The following CELF2 variants were observed in gnomAD, a reference collection of about 807,000 sequenced individuals.
CELF2 encodes CUGBP Elav-like family member 2, also known as CUG triplet repeat RNA-binding protein 2.
A neutral mutation model predicts 62.6 loss-of-function variants in CELF2; 8 were observed. That is an observed-to-expected ratio of 0.13 (90% confidence interval 0.07 to 0.23). The LOEUF (loss-of-function observed/expected upper bound fraction) is 0.23, where lower values mean the gene tolerates loss of function less well. Among genes scored for constraint, CELF2 ranks in the 10% least tolerant of loss-of-function variants. The pLI, the probability that CELF2 is intolerant of heterozygous loss-of-function variation, is 1.00. For missense variants in CELF2, 333 were observed against 671.0 expected, an observed-to-expected ratio of 0.50 and a Z score of 5.56; for synonymous variants, 258 against 250.0, an observed-to-expected ratio of 1.03 and a Z score of -0.30.
At position 11,214,253 on chromosome 10, in the gene CELF2, G is replaced by A. The variant is rs567766883; in HGVS notation, c.272-3172G>A. 3.3e-5 allele frequency among the ~76,000 whole-genome samples: 5 copies of A among 152,210 alleles called. No homozygotes were observed. Among genetic ancestry groups the A allele is most frequent in the Admixed American group, 6.5e-5 (1 of 15,288 alleles). On this transcript the variant is annotated intron_variant, in intron 2 of 12. Coordinates refer to ENST00000633077, the MANE Select transcript of CELF2 (RefSeq NM_001326342.2). The surrounding 1 kb of genome is among the most constrained non-coding windows in gnomAD (Gnocchi z 4.2). ...GCTGTGATCACACCACTGCATTCCA[G>A]CCAGGACAACAGAGTGACATCCTGT...
At chr10:11,205,236 C>T (rs1333040850) in intron 2 of CELF2, among the ~76,000 whole-genome samples, 3 of 152,198 alleles carry the variant, frequency 2.0e-5, no homozygotes, top group Admixed American at 6.5e-5. Flanking sequence ...CTTAGAAAAG[C>T]GGCTTCCCTA....
rs1361668439 is a variant in CELF2 at position 11,019,638 on chromosome 10, T to C, written c.74+1475T>C. On this transcript the variant is annotated intron_variant, in intron 1 of 12. Transcript: ENST00000633077. ...AGGAGGGGGATGATAGAATCTGTTA[T>C]GCAAATTGTCTTTTGAGTCAATATT... Among the ~76,000 whole-genome samples, 5 of 152,344 alleles carry C rather than the reference T, an allele frequency of 3.3e-5. No homozygotes were observed. The East Asian group carries it at 7.7e-4, about 23-fold the overall frequency.
At chr10:10,679,811 A>G in the CELF2 span, among the ~76,000 whole-genome samples, 10 of 152,198 alleles carry the variant, frequency 6.6e-5, no homozygotes, top group Admixed American at 6.5e-4. Flanking sequence ...AAAATACACG[A>G]TAAATACATG....
At position 11,270,737 on chromosome 10, in the gene CELF2, G is replaced by A. The variant is rs1468453906; in HGVS notation, c.690G>A (p.Gln230=). The A allele has an allele frequency of 1.3e-6, 2 of 1,565,128 alleles. No homozygotes were observed. Among genetic ancestry groups the A allele is most frequent in the Admixed American group, 3.6e-5 (2 of 55,446 alleles). Residue 230 remains glutamine (Q), a synonymous_variant, in exon 7 of 13, where the codon CAG becomes CAA. Coordinates refer to ENST00000633077, the MANE Select transcript of CELF2 (RefSeq NM_001326342.2). This position sits in a 1 kb window ranked among gnomAD's most constrained non-coding sequence, Gnocchi z 5.8. ...QKDKEQRRLQ[Q]QLAQQMQQLN... ...ACAAAGAGCAAAGGCGCCTCCAGCAGCAGCTCGCTCAGCAGATGCAGCAGC... is the reference window on the plus strand; with the variant it reads ...ACAAAGAGCAAAGGCGCCTCCAGCAACAGCTCGCTCAGCAGATGCAGCAGC...
the CELF2 span, among the ~76,000 whole-genome samples, chr10:10,493,142 C>G: frequency 6.6e-6 from 1 of 152,096 alleles, no homozygotes; most frequent in Admixed American, 6.5e-5. Context: ...ATGGATGAAC[C>G]TTGAGGACAT....
intron 8 of CELF2, among the ~76,000 whole-genome samples, chr10:11,283,345 A>G (rs916706972): frequency 1.3e-5 from 2 of 152,228 alleles, no homozygotes; most frequent in African/African-American, 2.4e-5. Context: ...ATATCCAGCA[A>G]TCTGCTCGGG....
Position 10,834,281 on chromosome 10 carries a change from G to C in CELF2, c.53+35464G>C, listed in dbSNP as rs148415620. ...TGATGAGAACAGACGGACACATAGA[G>C]GGGAACAGCACACACTGGGGCCTAT... is the stretch of plus-strand genomic sequence containing the variant. On this transcript the variant is annotated intron_variant, in intron 1 of 13. Transcript: ENST00000636488. 5.3e-3 allele frequency among the ~76,000 whole-genome samples: 814 copies of C among 152,290 alleles called. 9 individuals carry two copies. Among genetic ancestry groups the C allele is most frequent in the African/African-American group, 0.018 (748 of 41,556 alleles).
At chr10:10,799,866 A>C (rs1411821893) in intron 1 of CELF2, among the ~76,000 whole-genome samples, 19 of 152,172 alleles carry the variant, frequency 1.2e-4, no homozygotes. Flanking sequence ...TTGAAATATG[A>C]AAATGTTCAA....
At chr10:10,642,408 G>C in the CELF2 span, among the ~76,000 whole-genome samples, 34 of 152,204 alleles carry the variant, frequency 2.2e-4, no homozygotes, top group Non-Finnish European at 3.5e-4. Context: ...AGTGTGGCAT[G>C]GTTGCCTGCA....
the CELF2 span, among the ~76,000 whole-genome samples, chr10:10,581,466 C>T: frequency 6.6e-6 from 1 of 152,088 alleles, no homozygotes; most frequent in Non-Finnish European, 1.5e-5. Context: ...GAGGAGAACG[C>T]TCTGGCAGGG....
At chr10:10,624,012 C>A in the CELF2 span, among the ~76,000 whole-genome samples, 1 of 152,126 alleles carries the variant, frequency 6.6e-6, no homozygotes, top group Non-Finnish European at 1.5e-5. Context: ...CTGGACTCTG[C>A]AAGTCTTTGT....
chr10:11,083,172 C>T (rs558571986), intron 1 of CELF2, among the ~76,000 whole-genome samples: 11 of 152,148 alleles, frequency 7.2e-5, no homozygotes, highest in South Asian at 2.1e-4. Flanking sequence ...GTTCATACCA[C>T]GGAATCTGTT....
intron 1 of CELF2, among the ~76,000 whole-genome samples, chr10:11,006,268 T>C (rs952072038): frequency 6.6e-6 from 1 of 152,192 alleles, no homozygotes; most frequent in African/African-American, 2.4e-5. Context: ...TTCAACACCC[T>C]TTTTTATCTC....
At chr10:10,758,019 G>C in the CELF2 span, among the ~76,000 whole-genome samples, 1 of 152,286 alleles carries the variant, frequency 6.6e-6, no homozygotes, top group South Asian at 2.1e-4. Flanking sequence ...ATAAAATGTT[G>C]TTAGCAGCTG....
chr10:10,819,851 C>T (rs2056809653), intron 1 of CELF2, among the ~76,000 whole-genome samples: 1 of 152,098 alleles, frequency 6.6e-6, no homozygotes. Flanking sequence ...TTCATGGCCT[C>T]CCTTATTGTA....
chr10:10,884,572 C>T (rs1591533968), intron 1 of CELF2, among the ~76,000 whole-genome samples: 1 of 152,288 alleles, frequency 6.6e-6, no homozygotes, highest in East Asian at 1.9e-4. Context: ...ACTTATCCTA[C>T]CCTTTATATG....
intron 1 of CELF2, among the ~76,000 whole-genome samples, chr10:10,854,580 A>G (rs1193389293): frequency 1.3e-5 from 2 of 152,108 alleles, no homozygotes; most frequent in Non-Finnish European, 2.9e-5. Flanking sequence ...CCAAAACAGG[A>G]TTAAATGAAC....
chr10:10,727,372 C>T, the CELF2 span, among the ~76,000 whole-genome samples: 6 of 152,108 alleles, frequency 3.9e-5, no homozygotes, highest in South Asian at 2.1e-4. Flanking sequence ...CAATATTTCC[C>T]GCATCATTTC....
the CELF2 span, among the ~76,000 whole-genome samples, chr10:10,554,072 G>A: frequency 1.3e-5 from 2 of 152,184 alleles, no homozygotes; most frequent in East Asian, 1.9e-4. Context: ...TGTGATCCCA[G>A]CTGGAGAGAC....
Sources: gnomAD v4.1 joint callset for allele counts (sites outside exome capture counted in the v4.1 genomes callset) on GRCh38, gnomAD v4.1.1 for gene constraint, Gnocchi (gnomAD v3.1) non-coding constraint, MANE v1.5 for transcripts, NCBI Gene and HGNC (gene_info 2026-07-23, HGNC 2026-07-21) for gene names.